The following LHX4 variants were observed in gnomAD, a reference collection of about 807,000 sequenced individuals.
LHX4 encodes the protein LIM homeobox 4.
Under a neutral mutation model 39.2 loss-of-function variants are expected in LHX4, and 16 were observed. The ratio of observed to expected loss-of-function variants is 0.41; its 90% CI spans 0.28 to 0.62. The LOEUF is 0.62. LHX4 is among the 20% of genes least tolerant of loss of function. LHX4 has a pLI of 0.33. For missense variants in LHX4, 439 were observed against 511.9 expected (o/e 0.86, Z 1.37); for synonymous variants, 206 against 198.1 (o/e 1.04, Z -0.33).
intron 2 of LHX4, among the ~76,000 whole-genome samples, chr1:180,258,587 G>A (rs1647972066): frequency 6.6e-6 from 1 of 152,174 alleles, no homozygotes; most frequent in Admixed American, 6.5e-5. Context: ...GCTGGCTGAT[G>A]GCAGCCCAAG....
At chr1:180,254,087 C>T (rs1008429845) in intron 2 of LHX4, among the ~76,000 whole-genome samples, 4 of 152,228 alleles carry the variant, frequency 2.6e-5, no homozygotes, top group Admixed American at 6.5e-5. Context: ...AAGGACAATC[C>T]AGGCTTGTGG....
rs753474147 is a variant in LHX4 at position 180,266,023 on chromosome 1, G to A, written c.249-369G>A. Among the ~76,000 whole-genome samples, 2 of 152,200 alleles carry A rather than the reference G, an allele frequency of 1.3e-5. No homozygotes were observed. Among genetic ancestry groups the A allele is most frequent in the African/African-American group, 2.4e-5 (1 of 41,454 alleles). The stretch of plus-strand genomic sequence containing the variant: ...ATGTCCTCTGGGATCAACCATAAGG[G>A]TGAGGAAGCTGGGAGGTGGAGGGGG... On this transcript the variant is annotated intron_variant, in intron 2 of 5. Coordinates refer to ENST00000263726, the MANE Select transcript of LHX4 (RefSeq NM_033343.4). The surrounding 1 kb of genome is among the most constrained non-coding windows in gnomAD (Gnocchi z 5.7).
At chr1:180,241,096 A>G (rs1664436978) in intron 1 of LHX4, among the ~76,000 whole-genome samples, 1 of 152,242 alleles carries the variant, frequency 6.6e-6, no homozygotes, top group African/African-American at 2.4e-5. Flanking sequence ...GATACATTAC[A>G]GCAACAGTGA....
At chr1:180,256,712 A>G (rs1341157057) in intron 2 of LHX4, among the ~76,000 whole-genome samples, 1 of 152,130 alleles carries the variant, frequency 6.6e-6, no homozygotes, top group African/African-American at 2.4e-5. Flanking sequence ...TGGGCCCCAA[A>G]GTGGGAGTCA....
chr1:180,258,480 C>T lies in LHX4; in HGVS notation c.249-7912C>T, dbSNP rs536109545. Among the ~76,000 whole-genome samples, 24 of 152,164 alleles carry T rather than the reference C, an allele frequency of 1.6e-4. 1 individual carries two copies. Among genetic ancestry groups the T allele is most frequent in the East Asian group, 3.9e-4 (2 of 5,184 alleles). ...ACTGGAAGGTTTCAGCAGGGGAGGG[C>T]GAGGGTGTGACTTAGGCCCACTGTG... On this transcript the variant is annotated intron_variant, in intron 2 of 5. Coordinates refer to ENST00000263726, the MANE Select transcript of LHX4 (RefSeq NM_033343.4).
chr1:180,257,426 G>A (rs1253557245), intron 2 of LHX4, among the ~76,000 whole-genome samples: 4 of 152,328 alleles, frequency 2.6e-5, no homozygotes, highest in Admixed American at 1.3e-4. Flanking sequence ...TGTGACATGG[G>A]GGCTGTGTCC....
intron 3 of LHX4, chr1:180,270,769 C>A (rs1648597692): frequency 1.3e-5 from 2 of 158,374 alleles, no homozygotes; most frequent in African/African-American, 4.8e-5. Context: ...CCATTCTCTT[C>A]ATCTGATTTC....
chr1:180,262,281 GAAAAA>G (rs34979970), intron 2 of LHX4, among the ~76,000 whole-genome samples: 4 of 132,546 alleles, frequency 3.0e-5, no homozygotes, highest in African/African-American at 8.5e-5. Flanking sequence ...ACTTTGAAAG[GAAAAA>G]AAAAAAAAAA....
intron 1 of LHX4, among the ~76,000 whole-genome samples, chr1:180,231,377 G>C (rs1295212422): frequency 6.6e-6 from 1 of 151,876 alleles, no homozygotes; most frequent in Non-Finnish European, 1.5e-5. Context: ...TTCTTCCCGC[G>C]CCCGAAATTA....
intron 3 of LHX4, chr1:180,270,920 C>A: frequency 4.0e-6 from 1 of 252,508 alleles, no homozygotes; most frequent in South Asian, 4.6e-5. Context: ...GCAAAGGTGA[C>A]ATGGCTGTGG....
intron 2 of LHX4, among the ~76,000 whole-genome samples, chr1:180,262,094 A>G (rs1318552595): frequency 6.6e-6 from 1 of 152,058 alleles, no homozygotes; most frequent in Admixed American, 6.5e-5. Context: ...TCCATGCAAA[A>G]TGGTTTCCTA....
At chr1:180,270,925 C>G in intron 3 of LHX4, 1 of 256,552 alleles carries the variant, frequency 3.9e-6, no homozygotes, top group Non-Finnish European at 7.8e-6. Flanking sequence ...GGTGACATGG[C>G]TGTGGGGAAA....
At chr1:180,239,919 G>C (rs1162757899) in intron 1 of LHX4, among the ~76,000 whole-genome samples, 1 of 152,214 alleles carries the variant, frequency 6.6e-6, no homozygotes, top group Non-Finnish European at 1.5e-5. Context: ...GGCCACCTGA[G>C]GGGGAATACT....
intron 2 of LHX4, among the ~76,000 whole-genome samples, chr1:180,254,488 C>T (rs777052911): frequency 5.9e-5 from 9 of 152,240 alleles, no homozygotes; most frequent in African/African-American, 1.2e-4. Context: ...CATTTATCTC[C>T]GCAGTCCAGA....
chr1:180,244,315 A>C (rs1432722390), intron 1 of LHX4, among the ~76,000 whole-genome samples: 1 of 152,162 alleles, frequency 6.6e-6, no homozygotes, highest in Non-Finnish European at 1.5e-5. Context: ...CATTTTTGCC[A>C]AGCCAGAGGG....
chr1:180,257,794 C>T (rs1156839205), intron 2 of LHX4, among the ~76,000 whole-genome samples: 7 of 152,172 alleles, frequency 4.6e-5, no homozygotes, highest in African/African-American at 7.2e-5. Flanking sequence ...CAGCTCCACG[C>T]ACAGGAGGCT....
intron 1 of LHX4, among the ~76,000 whole-genome samples, chr1:180,235,525 G>A (rs534107103): frequency 1.3e-5 from 2 of 152,336 alleles, no homozygotes; most frequent in Admixed American, 1.3e-4. Flanking sequence ...CTGGGAAAGC[G>A]ATGCTCCCAT....
intron 2 of LHX4, among the ~76,000 whole-genome samples, chr1:180,252,832 G>A (rs1314373008): frequency 6.6e-6 from 1 of 152,178 alleles, no homozygotes; most frequent in African/African-American, 2.4e-5. Context: ...ATGTTGGTGT[G>A]GACACAGAGG....
intron 2 of LHX4, among the ~76,000 whole-genome samples, chr1:180,263,908 G>A (rs1648208733): frequency 1.3e-5 from 2 of 152,126 alleles, no homozygotes; most frequent in African/African-American, 2.4e-5. Flanking sequence ...ACATTCTCCA[G>A]ATTTGCGTGG....
Sources: gnomAD v4.1 joint callset for allele counts (sites outside exome capture counted in the v4.1 genomes callset) on GRCh38, gnomAD v4.1.1 for gene constraint, Gnocchi (gnomAD v3.1) non-coding constraint, MANE v1.5 for transcripts, NCBI Gene and HGNC (gene_info 2026-07-23, HGNC 2026-07-21) for gene names.